ADGRL2: variants seen among roughly 807,000 people sequenced by gnomAD.
ADGRL2 encodes adhesion G protein-coupled receptor L2, also known as calcium-independent alpha-latrotoxin receptor 2.
Under a neutral mutation model 157.4 loss-of-function variants are expected in ADGRL2, and 44 were observed. The ratio of observed to expected loss-of-function variants is 0.28; its 90% confidence interval spans 0.22 to 0.36. The LOEUF is 0.36. Among genes scored for constraint, ADGRL2 ranks in the 10% least tolerant of loss-of-function variants. The probability of loss-of-function intolerance (pLI) is 1.00; values close to 1 mark genes in which losing one functional copy is unlikely to be tolerated. For synonymous variants in ADGRL2, 585 were observed against 624.7 expected (o/e 0.94, Z 0.95); for missense variants, 1,510 against 1,768.9 (o/e 0.85, Z 2.63).
chr1:81,480,519 A>T (rs72940985), intron 2 of ADGRL2, among the ~76,000 whole-genome samples: 2 of 151,448 alleles, frequency 1.3e-5, no homozygotes, highest in African/African-American at 4.9e-5. Flanking sequence ...ATATAGCATA[A>T]GCCCACCCTT....
At chr1:81,668,505 G>A (rs925416333) in intron 3 of ADGRL2, among the ~76,000 whole-genome samples, 1 of 151,428 alleles carries the variant, frequency 6.6e-6, no homozygotes, top group African/African-American at 2.4e-5. Context: ...ATACAAAAGT[G>A]TTTTAGATGG....
At chr1:81,632,758 A>C (rs2148763133) in intron 3 of ADGRL2, among the ~76,000 whole-genome samples, 1 of 151,906 alleles carries the variant, frequency 6.6e-6, no homozygotes, top group African/African-American at 2.4e-5. Flanking sequence ...CCGTCTCAAA[A>C]AAAAAAAAAA....
At chr1:81,819,942 T>C (rs1396023051) in intron 1 of ADGRL2, among the ~76,000 whole-genome samples, 4 of 152,156 alleles carry the variant, frequency 2.6e-5, no homozygotes, top group African/African-American at 9.6e-5. Context: ...CACTGCAGCT[T>C]TCTCTTTTGT....
At chr1:81,393,205 G>A (rs1350259539) in intron 1 of ADGRL2, among the ~76,000 whole-genome samples, 1 of 152,012 alleles carries the variant, frequency 6.6e-6, no homozygotes, top group Non-Finnish European at 1.5e-5. Context: ...AATTCTATTA[G>A]CAATTATATT....
intron 1 of ADGRL2, among the ~76,000 whole-genome samples, chr1:81,381,458 C>T (rs572575196): frequency 3.9e-5 from 6 of 152,164 alleles, no homozygotes; most frequent in African/African-American, 1.4e-4. Flanking sequence ...CACCTGTAGT[C>T]CCAGTTACTC....
intron 2 of ADGRL2, among the ~76,000 whole-genome samples, chr1:81,542,733 T>A (rs1004062591): frequency 6.6e-6 from 1 of 152,218 alleles, no homozygotes; most frequent in African/African-American, 2.4e-5. Context: ...TGCTATTGAA[T>A]GCCTAGTTAA....
chr1:81,369,283 C>T (rs1464213942), intron 1 of ADGRL2, among the ~76,000 whole-genome samples: 1 of 152,050 alleles, frequency 6.6e-6, no homozygotes, highest in African/African-American at 2.4e-5. Context: ...TAGCATAGAA[C>T]CCAGCAGTTG....
At chr1:81,437,191 C>G (rs1303566867) in intron 1 of ADGRL2, among the ~76,000 whole-genome samples, 2 of 152,176 alleles carry the variant, frequency 1.3e-5, no homozygotes, top group South Asian at 2.1e-4. Context: ...TAAAAAGATT[C>G]ATCATGAAGG....
At chr1:81,669,653 G>T (rs917163171) in intron 3 of ADGRL2, among the ~76,000 whole-genome samples, 1 of 152,000 alleles carries the variant, frequency 6.6e-6, no homozygotes, top group Non-Finnish European at 1.5e-5. Flanking sequence ...ATTTAAAAGA[G>T]GACACCTGGC....
intron 2 of ADGRL2, among the ~76,000 whole-genome samples, chr1:81,882,193 G>A (rs1021149034): frequency 6.6e-6 from 1 of 152,148 alleles, no homozygotes; most frequent in Non-Finnish European, 1.5e-5. Flanking sequence ...TGGTGTTACA[G>A]ATGTGTTTTT....
intron 1 of ADGRL2, among the ~76,000 whole-genome samples, chr1:81,801,434 T>C (rs1273707978): frequency 1.3e-5 from 2 of 152,112 alleles, no homozygotes; most frequent in Non-Finnish European, 2.9e-5. Flanking sequence ...TCCCTCTCGC[T>C]CCCTCTCACT....
At chr1:81,710,273 T>A (rs779769530) in intron 1 of ADGRL2, among the ~76,000 whole-genome samples, 1 of 152,004 alleles carries the variant, frequency 6.6e-6, no homozygotes, top group African/African-American at 2.4e-5. Context: ...TCTATAGCAG[T>A]GTTTCTCAAA....
chr1:81,842,353 C>CTTTTTTTTT (rs71085377), intron 2 of ADGRL2, among the ~76,000 whole-genome samples: 2 of 54,958 alleles, frequency 3.6e-5, no homozygotes, highest in Admixed American at 3.2e-4. Context: ...TCTTTTAGCG[C>CTTTTTTTTT]TTTTTTTTTT....
At chr1:81,819,234 G>A (rs774685579) in intron 1 of ADGRL2, among the ~76,000 whole-genome samples, 2 of 152,084 alleles carry the variant, frequency 1.3e-5, no homozygotes, top group Non-Finnish European at 2.9e-5. Context: ...GAGAAGTTTT[G>A]TAATGGTGGG....
At chr1:81,538,077 C>T (rs1250845287) in intron 2 of ADGRL2, among the ~76,000 whole-genome samples, 1 of 152,068 alleles carries the variant, frequency 6.6e-6, no homozygotes, top group Non-Finnish European at 1.5e-5. Flanking sequence ...CATAATCATG[C>T]TTTTTATAAA....
chr1:81,496,074 A>C (rs2078723812), intron 2 of ADGRL2, among the ~76,000 whole-genome samples: 2 of 152,190 alleles, frequency 1.3e-5, no homozygotes, highest in African/African-American at 4.8e-5. Context: ...CTTCATATTA[A>C]ATAGAGAAGA....
intron 2 of ADGRL2, among the ~76,000 whole-genome samples, chr1:81,517,480 A>AC (rs2079206556): frequency 6.6e-6 from 1 of 151,286 alleles, no homozygotes; most frequent in African/African-American, 2.4e-5. Flanking sequence ...AAAAAAAAAA[A>AC]AAAAAAAAAG....
chr1:81,844,983 T>C (rs926813676), intron 2 of ADGRL2, among the ~76,000 whole-genome samples: 15 of 152,182 alleles, frequency 9.9e-5, no homozygotes, highest in African/African-American at 3.6e-4. Context: ...ATAAAACTTT[T>C]AGAAGGTTCA....
At chr1:81,871,570 A>G (rs897117613) in intron 2 of ADGRL2, among the ~76,000 whole-genome samples, 2 of 152,042 alleles carry the variant, frequency 1.3e-5, no homozygotes, top group Admixed American at 6.6e-5. Context: ...AAGTGATCCT[A>G]TTTCTCCACA....
Sources: gnomAD v4.1 joint callset for allele counts (sites outside exome capture counted in the v4.1 genomes callset) on GRCh38, gnomAD v4.1.1 for gene constraint, MANE v1.5 for transcripts, NCBI Gene and HGNC (gene_info 2026-07-23, HGNC 2026-07-21) for gene names.